The following MYO16 variants were observed in gnomAD, a reference collection of about 807,000 sequenced individuals.
The protein encoded by MYO16 is unconventional myosin-XVI.
A neutral mutation model predicts 205.3 loss-of-function variants in MYO16; 94 were observed. The observed-to-expected ratio is 0.46, with a 90% confidence interval of 0.39 to 0.54. The LOEUF (loss-of-function observed/expected upper bound fraction) is 0.54, where lower values mean the gene tolerates loss of function less well. Ranked by LOEUF, MYO16 falls within the 20% of genes least tolerant of loss-of-function variation. The pLI is 0.00. For missense variants in MYO16, 2,315 were observed against 2,387.5 expected (o/e 0.97, Z 0.63); for synonymous variants, 988 against 954.0 (o/e 1.04, Z -0.66).
chr13:108,690,019 C>T (rs965248416), intron 2 of MYO16, among the ~76,000 whole-genome samples: 21 of 152,114 alleles, frequency 1.4e-4, no homozygotes, highest in Non-Finnish European at 2.9e-5. Context: ...CACTACTTTT[C>T]CCACTTATTG....
intron 15 of MYO16, among the ~76,000 whole-genome samples, chr13:108,899,152 A>G (rs945149354): frequency 1.3e-5 from 2 of 152,192 alleles, no homozygotes; most frequent in African/African-American, 2.4e-5. Flanking sequence ...AGCCTGGTGC[A>G]GTGGCTCACG....
chr13:109,082,137 G>A (rs1338773747), intron 27 of MYO16, among the ~76,000 whole-genome samples: 1 of 152,126 alleles, frequency 6.6e-6, no homozygotes, highest in African/African-American at 2.4e-5. Flanking sequence ...TGATATTTGT[G>A]GCCTGATAAT....
At chr13:109,092,745 T>C (rs1027530757) in intron 27 of MYO16, among the ~76,000 whole-genome samples, 3 of 152,236 alleles carry the variant, frequency 2.0e-5, no homozygotes, top group Admixed American at 2.0e-4. Context: ...AAGTCACCAT[T>C]TTAATCTGAA....
At chr13:108,709,975 A>G (rs113530026) in intron 2 of MYO16, among the ~76,000 whole-genome samples, 1 of 115,848 alleles carries the variant, frequency 8.6e-6, no homozygotes, top group Non-Finnish European at 1.9e-5. Context: ...TCTCACTAGG[A>G]TGATGCCGGG....
chr13:109,168,606 T>G (rs1214896994), intron 33 of MYO16, among the ~76,000 whole-genome samples: 1 of 151,988 alleles, frequency 6.6e-6, no homozygotes, highest in Non-Finnish European at 1.5e-5. Context: ...ATGCCTTTAA[T>G]CCCGGCGACT....
chr13:109,173,887 CAAAAAAAAAAAAAAAAA>C (rs778094207), intron 33 of MYO16, among the ~76,000 whole-genome samples: 1 of 29,108 alleles, frequency 3.4e-5, no homozygotes, highest in Non-Finnish European at 5.9e-5. Context: ...GACTCCATCT[CAAAAAAAAAAAAAAAAA>C]AAAAAAAAAA....
At chr13:109,052,273 T>TA (rs745716066) in intron 24 of MYO16, 27 bp from the exon 25 acceptor site, 3 of 1,593,430 alleles carry the variant, frequency 1.9e-6, no homozygotes, top group African/African-American at 1.3e-5. Flanking sequence ...TAGTGCCACT[T>TA]ACGATATTCA....
At chr13:109,071,237 T>C (rs1200705440) in intron 27 of MYO16, among the ~76,000 whole-genome samples, 1 of 152,178 alleles carries the variant, frequency 6.6e-6, no homozygotes, top group Non-Finnish European at 1.5e-5. Context: ...TATTTTCGCA[T>C]TTATGACAAA....
chr13:108,869,647 C>T (rs1345489573), intron 12 of MYO16, among the ~76,000 whole-genome samples: 1 of 140,312 alleles, frequency 7.1e-6, no homozygotes, highest in African/African-American at 2.7e-5. Context: ...AGCAGAATGG[C>T]GTGAACCCGG....
chr13:108,632,078 C>CAAA (rs59971095), intron 1 of MYO16, among the ~76,000 whole-genome samples: 131 of 67,086 alleles, frequency 2.0e-3, no homozygotes, highest in Middle Eastern at 9.8e-3. Context: ...AACCCCAACT[C>CAAA]AAAAAAAAAA....
intron 1 of MYO16, among the ~76,000 whole-genome samples, chr13:108,655,022 G>T (rs1017242149): frequency 6.6e-5 from 10 of 152,202 alleles, no homozygotes; most frequent in Non-Finnish European, 4.4e-5. Flanking sequence ...GCCTGATGAT[G>T]CGTAGAAAAG....
At chr13:108,552,700 CT>C in the MYO16 span, among the ~76,000 whole-genome samples, 7 of 152,148 alleles carry the variant, frequency 4.6e-5, no homozygotes, top group African/African-American at 1.4e-4. Context: ...GACTTCACTC[CT>C]TCCTCCTGTT....
At chr13:109,010,364 C>G (rs74808153) in intron 22 of MYO16, among the ~76,000 whole-genome samples, 1 of 152,104 alleles carries the variant, frequency 6.6e-6, no homozygotes, top group African/African-American at 2.4e-5. Flanking sequence ...TGCTTTATTT[C>G]AGACATCCAG....
intron 1 of MYO16, among the ~76,000 whole-genome samples, chr13:108,636,188 C>T (rs185337889): frequency 1.2e-3 from 176 of 152,184 alleles, no homozygotes; most frequent in African/African-American, 4.1e-3. Flanking sequence ...TTTAAGGTTA[C>T]ACTGTATTCA....
chr13:109,107,186 A>G (rs953006210), intron 28 of MYO16, among the ~76,000 whole-genome samples: 1 of 152,106 alleles, frequency 6.6e-6, no homozygotes, highest in African/African-American at 2.4e-5. Flanking sequence ...CAAAAAACAT[A>G]CTCCAAATTG....
At chr13:109,194,522 A>G (rs1484189183) in intron 34 of MYO16, among the ~76,000 whole-genome samples, 2 of 152,168 alleles carry the variant, frequency 1.3e-5, no homozygotes, top group Non-Finnish European at 2.9e-5. Context: ...CATGAAGATG[A>G]TACTAGAAAT....
Position 109,058,398 on chromosome 13 carries a change from C to T in MYO16, c.3335+2803C>T, listed in dbSNP as rs577699930. ...TTTCAGAAGCACTATCCAGGCAGAC[C>T]TTGGAGACGTAGTAGGTTCAGTGAT... On this transcript the variant is annotated intron_variant, in intron 27 of 34. Coordinates refer to ENST00000457511, the MANE Select transcript of MYO16 (RefSeq NM_001198950.3). 3.1e-3 allele frequency among the ~76,000 whole-genome samples: 466 copies of T among 152,166 alleles called. 2 individuals are homozygous for T. Among genetic ancestry groups the T allele is most frequent in the African/African-American group, 0.011 (453 of 41,510 alleles).
At chr13:109,171,855 C>A (rs1227682186) in intron 33 of MYO16, among the ~76,000 whole-genome samples, 1 of 152,104 alleles carries the variant, frequency 6.6e-6, no homozygotes, top group Admixed American at 6.5e-5. Flanking sequence ...ACAGACATTG[C>A]GTTTGCATTT....
rs5806749 is a variant in MYO16 at position 108,659,255 on chromosome 13, G to GAT, written c.29-6620_29-6619dup. On this transcript the variant is annotated intron_variant, in intron 1 of 34. Transcript: ENST00000457511. The stretch of plus-strand genomic sequence containing the variant: ...TATATATGCTATATATGATATATAT[G>GAT]ATATATATATATCATATATATGATA... 5.0e-3 allele frequency: 815 copies of GAT among 163,444 alleles called. 4 individuals are homozygous for GAT. The highest frequency in any genetic ancestry group is 0.021 in the East Asian group (120 of 5,746). 10.1% of individuals were successfully genotyped at this position (163,444 alleles called of 1,614,324 possible).
Sources: gnomAD v4.1 joint callset for allele counts (sites outside exome capture counted in the v4.1 genomes callset) on GRCh38, gnomAD v4.1.1 for gene constraint, MANE v1.5 for transcripts, NCBI Gene and HGNC (gene_info 2026-07-23, HGNC 2026-07-21) for gene names.